Variants in TENM2 observed in about 807,000 individuals in gnomAD.
The protein encoded by TENM2 is teneurin transmembrane protein 2, also known as teneurin-2.
TENM2 carries 52 observed loss-of-function variants against 245.2 expected under a neutral mutation model. That is an observed-to-expected ratio of 0.21 (90% CI 0.17 to 0.27). TENM2 has a LOEUF of 0.27. TENM2 is among the 10% of genes least tolerant of loss of function. The probability of loss-of-function intolerance (pLI) is 1.00; values close to 1 mark genes in which losing one functional copy is unlikely to be tolerated. For missense variants in TENM2, 3,046 were observed against 3,666.8 expected, an observed-to-expected ratio of 0.83 and a Z score of 4.37; for synonymous variants, 1,363 against 1,438.9, an observed-to-expected ratio of 0.95 and a Z score of 1.19.
chr5:167,108,429 G>A, the TENM2 span, among the ~76,000 whole-genome samples: 2 of 152,130 alleles, frequency 1.3e-5, no homozygotes, highest in Non-Finnish European at 2.9e-5. Context: ...CCCGGCCACT[G>A]TGGGTATTTT....
intron 25 of TENM2, among the ~76,000 whole-genome samples, chr5:168,236,672 C>G (rs1051547786): frequency 6.6e-6 from 1 of 151,992 alleles, no homozygotes; most frequent in African/African-American, 2.4e-5. Flanking sequence ...TTATCCCCCT[C>G]TGGCCTGTGG....
chr5:167,560,669 G>T (rs883322), intron 2 of TENM2, among the ~76,000 whole-genome samples: 79,923 of 151,990 alleles, frequency 0.53, 22,533 homozygotes, highest in South Asian at 0.66. Flanking sequence ...TCAAATGGGA[G>T]CAAACATATA....
At chr5:167,801,636 C>T (rs773409759) in intron 2 of TENM2, among the ~76,000 whole-genome samples, 5 of 152,008 alleles carry the variant, frequency 3.3e-5, no homozygotes, top group Non-Finnish European at 7.4e-5. Context: ...TCCAAGGAAG[C>T]AAGAGTGAAG....
At chr5:167,859,494 C>T (rs1402840596) in intron 2 of TENM2, among the ~76,000 whole-genome samples, 4 of 110,042 alleles carry the variant, frequency 3.6e-5, no homozygotes, top group African/African-American at 1.1e-4. Flanking sequence ...GCCACCCCGT[C>T]CGGGAGGGAG....
chr5:167,230,649 TAG>T, the TENM2 span, among the ~76,000 whole-genome samples: 2 of 152,154 alleles, frequency 1.3e-5, no homozygotes, highest in African/African-American at 4.8e-5. Context: ...TTTGGTATTT[TAG>T]AGATAGGATG....
chr5:167,215,498 C>A, the TENM2 span, among the ~76,000 whole-genome samples: 2 of 152,112 alleles, frequency 1.3e-5, no homozygotes, highest in Non-Finnish European at 2.9e-5. Context: ...CTGAAAGAGG[C>A]AGGGAGCTCC....
At chr5:168,193,276 A>G (rs1243137203) in intron 14 of TENM2, among the ~76,000 whole-genome samples, 1 of 152,242 alleles carries the variant, frequency 6.6e-6, no homozygotes, top group Non-Finnish European at 1.5e-5. Flanking sequence ...CATCTTACAA[A>G]TAACGAAGGA....
chr5:167,535,672 TCTC>T (rs1264133901), intron 2 of TENM2, among the ~76,000 whole-genome samples: 4 of 152,188 alleles, frequency 2.6e-5, no homozygotes, highest in African/African-American at 9.6e-5. Flanking sequence ...ACAATGTTCA[TCTC>T]CTCTGGAGGA....
chr5:167,844,563 T>A (rs1769854346), intron 2 of TENM2, among the ~76,000 whole-genome samples: 1 of 152,202 alleles, frequency 6.6e-6, no homozygotes, highest in Admixed American at 6.5e-5. Context: ...TTGGTCTGAA[T>A]CACCAGGATG....
chr5:167,073,057 A>AT, the TENM2 span, among the ~76,000 whole-genome samples: 1 of 152,232 alleles, frequency 6.6e-6, no homozygotes, highest in African/African-American at 2.4e-5. Context: ...AATATGTTTT[A>AT]TACCATATTT....
chr5:167,810,638 C>T (rs1330663907), intron 2 of TENM2, among the ~76,000 whole-genome samples: 2 of 151,396 alleles, frequency 1.3e-5, no homozygotes, highest in Non-Finnish European at 2.9e-5. Flanking sequence ...AAAAAGAAAA[C>T]TCTAATTAAA....
Position 167,698,680 on chromosome 5 carries a change from T to TG in TENM2, c.503-177306_503-177305insG, listed in dbSNP as rs1491091580. Among the ~76,000 whole-genome samples the TG allele has an allele frequency of 6.0e-3, 534 of 88,542 alleles. 5 individuals carry two copies. The highest frequency in any genetic ancestry group is 0.045 in the African/African-American group (517 of 11,602). The allele number at this position is 88,542 out of a possible 152,430, so 58.1% of individuals were successfully genotyped here. A position where few individuals can be genotyped will look rare whatever the true frequency, so the allele number is the denominator to read the frequency against. Reference sequence around the variant, plus strand: ...TGTGTGTGTTTTGTTTTGTTTTTTGTTTTTTTTTTTTTTTTTTTTTTGAGA... The same window carrying TG: ...TGTGTGTGTTTTGTTTTGTTTTTTGTGTTTTTTTTTTTTTTTTTTTTTGAGA... On this transcript the variant is annotated intron_variant, in intron 2 of 28. Transcript: ENST00000518659.
chr5:167,016,281 C>CAA, the TENM2 span, among the ~76,000 whole-genome samples: 2,156 of 78,828 alleles, frequency 0.027, 30 homozygotes, highest in East Asian at 0.076. Flanking sequence ...AACAAACAAA[C>CAA]AAAAAAAAAA....
intron 13 of TENM2, among the ~76,000 whole-genome samples, chr5:168,185,403 T>A (rs562771791): frequency 6.6e-6 from 1 of 152,300 alleles, no homozygotes; most frequent in South Asian, 2.1e-4. Flanking sequence ...CTGAGTACTG[T>A]ACAGACAATA....
chr5:167,244,946 C>T, the TENM2 span, among the ~76,000 whole-genome samples: 1 of 151,504 alleles, frequency 6.6e-6, no homozygotes, highest in Admixed American at 6.6e-5. Flanking sequence ...CAAAGCATGA[C>T]CAAAAGAAAA....
At chr5:167,007,737 A>G in the TENM2 span, among the ~76,000 whole-genome samples, 1 of 152,306 alleles carries the variant, frequency 6.6e-6, no homozygotes, top group East Asian at 1.9e-4. The surrounding 1 kb of genome is among the most constrained non-coding windows in gnomAD (Gnocchi z 4.2). Flanking sequence ...AGCTAAATGT[A>G]TGTATCGAAT....
At chr5:168,133,198 C>CT (rs1185204588) in intron 12 of TENM2, among the ~76,000 whole-genome samples, 1 of 152,078 alleles carries the variant, frequency 6.6e-6, no homozygotes, top group Non-Finnish European at 1.5e-5. Flanking sequence ...TCATGTAGGG[C>CT]TTTTTAAAAT....
intron 17 of TENM2, among the ~76,000 whole-genome samples, chr5:168,201,859 G>A (rs905451445): frequency 1.3e-5 from 2 of 152,116 alleles, no homozygotes; most frequent in Admixed American, 1.3e-4. Flanking sequence ...TGGTTGGTTG[G>A]TTGGTTGATT....
chr5:167,994,223 A>G (rs1385022488), intron 5 of TENM2, among the ~76,000 whole-genome samples: 1 of 152,268 alleles, frequency 6.6e-6, no homozygotes, highest in African/African-American at 2.4e-5. Context: ...AAGCAAACCC[A>G]TAAAGCACCA....
Sources: gnomAD v4.1 joint callset for allele counts (sites outside exome capture counted in the v4.1 genomes callset) on GRCh38, gnomAD v4.1.1 for gene constraint, Gnocchi (gnomAD v3.1) non-coding constraint, MANE v1.5 for transcripts, NCBI Gene and HGNC (gene_info 2026-07-23, HGNC 2026-07-21) for gene names.